The following CNTN4 variants were observed in gnomAD, a reference collection of about 807,000 sequenced individuals.
CNTN4 encodes contactin 4.
CNTN4 carries 77 observed loss-of-function variants against 122.5 expected under a neutral mutation model. The observed-to-expected ratio is 0.63, with a 90% CI of 0.52 to 0.76. The LOEUF (loss-of-function observed/expected upper bound fraction) is 0.76, where lower values mean the gene tolerates loss of function less well. Ranked by LOEUF, CNTN4 falls within the 30% of genes least tolerant of loss-of-function variation. The pLI, the probability that CNTN4 is intolerant of heterozygous loss-of-function variation, is 0.00. For missense variants in CNTN4, 1,256 were observed against 1,259.1 expected (o/e 1.00, Z 0.04); for synonymous variants, 512 against 447.0 (o/e 1.15, Z -1.83).
chr3:2,153,788 A>G (rs2035597053), intron 2 of CNTN4, among the ~76,000 whole-genome samples: 1 of 152,154 alleles, frequency 6.6e-6, no homozygotes, highest in Admixed American at 6.5e-5. Context: ...TCTGTTTCCT[A>G]GGTGAGAGAG....
intron 2 of CNTN4, among the ~76,000 whole-genome samples, chr3:2,225,820 G>C (rs1336644608): frequency 6.6e-6 from 1 of 152,146 alleles, no homozygotes; most frequent in Admixed American, 6.5e-5. Context: ...TTCTGTCTAG[G>C]AAGTTGTCAT....
intron 3 of CNTN4, among the ~76,000 whole-genome samples, chr3:2,431,748 G>C (rs889827741): frequency 2.0e-5 from 3 of 152,250 alleles, no homozygotes; most frequent in African/African-American, 4.8e-5. Flanking sequence ...TTATTATGTA[G>C]GAAAAGTACA....
In CNTN4 at chr3:2,771,270, A is replaced by G. The variant is rs78249429; in HGVS notation, c.358+25573A>G. ...TAACTTAAGTTTAGAGCCACATTGC[A>G]TGAGAAGTGGGTATCTTTAAATACT... On this transcript the variant is annotated intron_variant, in intron 6 of 24. Transcript: ENST00000418658. 4.6e-3 allele frequency among the ~76,000 whole-genome samples: 694 copies of G among 152,352 alleles called. 9 individuals are homozygous for G. The highest frequency in any genetic ancestry group is 0.016 in the African/African-American group (661 of 41,584).
At chr3:2,168,306 G>C (rs1041042462) in intron 2 of CNTN4, among the ~76,000 whole-genome samples, 1 of 152,068 alleles carries the variant, frequency 6.6e-6, no homozygotes, top group Non-Finnish European at 1.5e-5. Flanking sequence ...TTATAAATTA[G>C]CAAGGACCAA....
At chr3:2,943,632 T>TATATATATATA (rs59719192) in intron 13 of CNTN4, among the ~76,000 whole-genome samples, 5 of 96,210 alleles carry the variant, frequency 5.2e-5, no homozygotes, top group African/African-American at 2.2e-4. Context: ...ATATATATAT[T>TATATATATATA]TTTTTTTTTT....
rs1047311420 is a variant in CNTN4 at position 2,725,789 on chromosome 3, C to A, written c.56-10426C>A. 5.3e-5 allele frequency among the ~76,000 whole-genome samples: 8 copies of A among 152,070 alleles called. No homozygotes were observed. The South Asian group carries it at 1.7e-3, about 32-fold the overall frequency. On this transcript the variant is annotated intron_variant, in intron 4 of 24. Transcript: ENST00000418658. Reference sequence around the variant, plus strand: ...GCCTGCCACATTGCTGAAGACCAGTCTTACTTGTATGTATTCACACACACA... The same window carrying A: ...GCCTGCCACATTGCTGAAGACCAGTATTACTTGTATGTATTCACACACACA...
At chr3:2,458,733 C>G (rs1015832289) in intron 3 of CNTN4, among the ~76,000 whole-genome samples, 1 of 151,984 alleles carries the variant, frequency 6.6e-6, no homozygotes, top group Non-Finnish European at 1.5e-5. Context: ...TTTTATATAA[C>G]TAGAGATTCT....
At chr3:2,514,695 A>G (rs1036851701) in intron 3 of CNTN4, among the ~76,000 whole-genome samples, 1 of 152,108 alleles carries the variant, frequency 6.6e-6, no homozygotes, top group Admixed American at 6.6e-5. Context: ...GCCCCCAGTA[A>G]AATGAAGTAT....
intron 3 of CNTN4, among the ~76,000 whole-genome samples, chr3:2,523,617 G>T (rs991671197): frequency 1.3e-5 from 2 of 151,962 alleles, no homozygotes; most frequent in African/African-American, 4.8e-5. Context: ...CTTGAAAAAG[G>T]TTACCCTCTG....
chr3:2,263,641 ATCTTC>A (rs1434123709), intron 2 of CNTN4, among the ~76,000 whole-genome samples: 9 of 152,164 alleles, frequency 5.9e-5, no homozygotes, highest in Non-Finnish European at 7.4e-5. Flanking sequence ...AATACTGCAA[ATCTTC>A]TCTTCTAGCG....
intron 3 of CNTN4, among the ~76,000 whole-genome samples, chr3:2,377,268 T>A (rs932288955): frequency 6.6e-6 from 1 of 152,202 alleles, no homozygotes; most frequent in African/African-American, 2.4e-5. Context: ...CAGTAGCTCC[T>A]CTCCCTAATA....
chr3:2,305,063 C>T (rs80325373), intron 2 of CNTN4, among the ~76,000 whole-genome samples: 2,230 of 152,000 alleles, frequency 0.015, 64 homozygotes, highest in African/African-American at 0.051. Flanking sequence ...AGGTCCATTT[C>T]CCTGGTGCTG....
At chr3:2,175,554 G>C (rs1198373764) in intron 2 of CNTN4, among the ~76,000 whole-genome samples, 3 of 152,092 alleles carry the variant, frequency 2.0e-5, no homozygotes, top group Non-Finnish European at 4.4e-5. Flanking sequence ...TTAAGAATAC[G>C]GGGAAAGGTT....
At chr3:2,506,829 G>T (rs2076743301) in intron 3 of CNTN4, among the ~76,000 whole-genome samples, 1 of 152,082 alleles carries the variant, frequency 6.6e-6, no homozygotes, top group Non-Finnish European at 1.5e-5. Flanking sequence ...TGCAAGAGAG[G>T]CTGGAATGAG....
intron 2 of CNTN4, among the ~76,000 whole-genome samples, chr3:2,194,117 A>G (rs1268730922): frequency 6.6e-6 from 1 of 152,198 alleles, no homozygotes; most frequent in Non-Finnish European, 1.5e-5. Flanking sequence ...AAGGTTCATC[A>G]TCATGTTGTC....
intron 14 of CNTN4, among the ~76,000 whole-genome samples, chr3:3,000,631 G>T (rs893715111): frequency 4.6e-5 from 7 of 152,218 alleles, no homozygotes; most frequent in African/African-American, 1.7e-4. Flanking sequence ...TCATGTATCA[G>T]ATACAAGTGT....
At position 2,802,071 on chromosome 3, in the gene CNTN4, T is replaced by G. The variant is rs182512113; in HGVS notation, c.359-17415T>G. On this transcript the variant is annotated intron_variant, in intron 6 of 24. Transcript: ENST00000418658. ...TCTAATTTTGTTCTTGCCATTATTA[T>G]CATTTTAAATTATTATTGTTACCAT... 6.2e-4 allele frequency among the ~76,000 whole-genome samples: 94 copies of G among 152,368 alleles called. 2 individuals are homozygous for G. The highest frequency in any genetic ancestry group is 1.0e-4 in the Non-Finnish European group (7 of 68,036).
chr3:2,272,166 A>G (rs1485369924), intron 2 of CNTN4, among the ~76,000 whole-genome samples: 1 of 104,908 alleles, frequency 9.5e-6, no homozygotes, highest in African/African-American at 2.9e-5. Flanking sequence ...TAAAATTACA[A>G]GTTTTTTTTC....
intron 4 of CNTN4, among the ~76,000 whole-genome samples, chr3:2,639,328 C>T (rs1200912407): frequency 6.6e-6 from 1 of 152,164 alleles, no homozygotes; most frequent in Non-Finnish European, 1.5e-5. Flanking sequence ...TGTTAACATG[C>T]CAGGCTTGCA....
Sources: allele counts gnomAD v4.1 joint callset (sites outside exome capture counted in the v4.1 genomes callset), GRCh38; gene constraint gnomAD v4.1.1; transcripts MANE v1.5; gene names NCBI Gene and HGNC (gene_info 2026-07-23, HGNC 2026-07-21).